THSD7A: variants seen among roughly 807,000 people sequenced by gnomAD.
The protein encoded by THSD7A is thrombospondin type 1 domain containing 7A.
A neutral mutation model predicts 231.3 loss-of-function variants in THSD7A; 96 were observed. The ratio of observed to expected loss-of-function variants is 0.41; its 90% CI spans 0.35 to 0.49. The LOEUF (loss-of-function observed/expected upper bound fraction) is 0.49. THSD7A is among the 20% of genes least tolerant of loss of function. The pLI is 0.05. For synonymous variants in THSD7A, 940 were observed against 743.3 expected (o/e 1.26, Z -4.30); for missense variants, 2,290 against 2,070.2 (o/e 1.11, Z -2.06).
In THSD7A at chr7:11,400,603, CCTTT is replaced by C. The variant is rs554608896; in HGVS notation, c.4411+1188_4411+1191del. On this transcript the variant is annotated intron_variant, in intron 23 of 27. Coordinates refer to ENST00000423059, the MANE Select transcript of THSD7A (RefSeq NM_015204.3). ...TTATTTTATTTATTGTAACTTTTGA[CCTTT>C]CTTTACTCTTTACTTATCCTATGCT... Among the ~76,000 whole-genome samples the C allele has an allele frequency of 2.7e-3, 406 of 152,134 alleles. 2 individuals are homozygous for C. Among genetic ancestry groups the C allele is most frequent in the African/African-American group, 9.6e-3 (397 of 41,508 alleles).
intron 1 of THSD7A, among the ~76,000 whole-genome samples, chr7:11,648,913 G>A (rs1169192289): frequency 1.3e-5 from 2 of 151,890 alleles, no homozygotes; most frequent in South Asian, 2.1e-4. Flanking sequence ...TCCAAGTGCC[G>A]TGTATGATGC....
At chr7:11,391,897 T>C (rs960624920) in intron 23 of THSD7A, among the ~76,000 whole-genome samples, 16 of 152,072 alleles carry the variant, frequency 1.1e-4, no homozygotes, top group South Asian at 2.1e-4. Flanking sequence ...TGCCCCACTT[T>C]GCTTCAGCTT....
At chr7:11,538,236 AAAAC>A (rs761670882) in intron 6 of THSD7A, among the ~76,000 whole-genome samples, 41 of 152,266 alleles carry the variant, frequency 2.7e-4, no homozygotes, top group Non-Finnish European at 4.0e-4. Flanking sequence ...AAATAATGCA[AAAAC>A]AAACAAAAAA....
At chr7:11,738,845 C>T (rs1366082076) in intron 1 of THSD7A, among the ~76,000 whole-genome samples, 2 of 151,948 alleles carry the variant, frequency 1.3e-5, no homozygotes, top group African/African-American at 4.8e-5. Flanking sequence ...CAAAGTCCTG[C>T]CATTACCTTG....
At chr7:11,565,881 G>A (rs71) in intron 4 of THSD7A, among the ~76,000 whole-genome samples, 34,097 of 152,088 alleles carry the variant, frequency 0.22, 4,435 homozygotes, top group Admixed American at 0.41. Flanking sequence ...ACCTGTTCCT[G>A]CAGTTGCCAA....
intron 1 of THSD7A, among the ~76,000 whole-genome samples, chr7:11,738,846 C>T (rs547175916): frequency 5.6e-4 from 85 of 152,084 alleles, no homozygotes; most frequent in Admixed American, 3.1e-3. Context: ...AAAGTCCTGC[C>T]ATTACCTTGA....
intron 6 of THSD7A, among the ~76,000 whole-genome samples, chr7:11,509,801 G>A (rs1260047563): frequency 2.4e-4 from 10 of 42,116 alleles, no homozygotes; most frequent in African/African-American, 5.3e-4. Flanking sequence ...CAGCCTGGGC[G>A]ACAGAGCCAG....
chr7:11,561,175 T>G lies in THSD7A; in HGVS notation c.1454-18058A>C, dbSNP rs79015891. On this transcript the variant is annotated intron_variant, in intron 4 of 27. Transcript: ENST00000423059. ...CTCCATGTAATCTTGGAAGGGTACATGACAGGGTTTCAATAATATATGTCT... is the reference window on the plus strand; with the variant it reads ...CTCCATGTAATCTTGGAAGGGTACAGGACAGGGTTTCAATAATATATGTCT... Among the ~76,000 whole-genome samples, 276 of 152,282 alleles carry G rather than the reference T, an allele frequency of 1.8e-3. 6 individuals carry two copies. In the East Asian group the frequency reaches 0.045, roughly 25 times the overall value.
At position 11,446,648 on chromosome 7, in the gene THSD7A, T is replaced by C. The variant is rs1254612064; in HGVS notation, c.2801-324A>G. Among the ~76,000 whole-genome samples, 2 of 152,114 alleles carry C rather than the reference T, an allele frequency of 1.3e-5. No homozygotes were observed. Among genetic ancestry groups the C allele is most frequent in the Admixed American group, 6.6e-5 (1 of 15,260 alleles). ...TATAGTTTCGACAGTCTTCATTACATAGGTGGTTCATTTTTTAACTTAAAT... is the reference window on the plus strand; with the variant it reads ...TATAGTTTCGACAGTCTTCATTACACAGGTGGTTCATTTTTTAACTTAAAT... On this transcript the variant is annotated intron_variant, in intron 12 of 27. Transcript: ENST00000423059. This position sits in a 1 kb window ranked among gnomAD's most constrained non-coding sequence, Gnocchi z 4.0.
Position 11,831,846 on chromosome 7 carries a change from AGCGGCAGCGG to A in THSD7A, c.91_100del (p.Pro31CysfsTer102), listed in dbSNP as rs771118672. The A allele has an allele frequency of 1.0e-5, 13 of 1,244,536 alleles. No individual in the cohort carries two copies. In the African/African-American group the frequency reaches 2.0e-4, roughly 19 times the overall value. 77.1% of individuals were successfully genotyped at this position (1,244,536 alleles called of 1,614,324 possible). On this transcript the variant is annotated frameshift_variant, in exon 1 of 28. Coordinates refer to ENST00000423059, the MANE Select transcript of THSD7A (RefSeq NM_015204.3). LOFTEE classifies it high-confidence loss of function. This position sits in a 1 kb window ranked among gnomAD's most constrained non-coding sequence, Gnocchi z 5.0. ...CGGGCGTAGCAGCAGCAGCAGGAGC[AGCGGCAGCGG>A]CAGCGGCAGCGGCAGCAGCTGCAGG...
chr7:11,579,149 T>C (rs762207873), intron 4 of THSD7A, among the ~76,000 whole-genome samples: 9 of 152,218 alleles, frequency 5.9e-5, no homozygotes, highest in Non-Finnish European at 1.2e-4. Context: ...TGTTACAGTT[T>C]TCTTTTCCCA....
chr7:11,719,299 T>A (rs1267662740), intron 1 of THSD7A, among the ~76,000 whole-genome samples: 1 of 151,600 alleles, frequency 6.6e-6, no homozygotes, highest in Non-Finnish European at 1.5e-5. Flanking sequence ...CTCAGGTGAC[T>A]TCTTTCTCCT....
intron 22 of THSD7A, among the ~76,000 whole-genome samples, chr7:11,404,162 A>G (rs960085288): frequency 2.0e-5 from 3 of 152,166 alleles, no homozygotes; most frequent in Admixed American, 6.5e-5. Flanking sequence ...TATTGTCACT[A>G]TTAGATTAGC....
At chr7:11,772,814 T>C (rs943733340) in intron 1 of THSD7A, among the ~76,000 whole-genome samples, 1 of 152,142 alleles carries the variant, frequency 6.6e-6, no homozygotes, top group Admixed American at 6.5e-5. Flanking sequence ...TCCGGTGACA[T>C]GCAACTTACC....
intron 2 of THSD7A, among the ~76,000 whole-genome samples, chr7:11,619,402 C>CTT (rs10706554): frequency 3.1e-5 from 4 of 127,764 alleles, no homozygotes; most frequent in African/African-American, 8.6e-5. Flanking sequence ...TCTTACTGTA[C>CTT]TTTTTTTTTT....
intron 4 of THSD7A, among the ~76,000 whole-genome samples, chr7:11,557,895 G>A (rs937078706): frequency 1.3e-5 from 2 of 152,110 alleles, no homozygotes; most frequent in African/African-American, 2.4e-5. Flanking sequence ...GTATCACAAG[G>A]GTGAAAACTG....
chr7:11,418,277 C>T (rs556724314), intron 16 of THSD7A, among the ~76,000 whole-genome samples: 1 of 152,106 alleles, frequency 6.6e-6, no homozygotes, highest in Non-Finnish European at 1.5e-5. Context: ...TTGGATTTTC[C>T]TACTACTTGA....
intron 1 of THSD7A, among the ~76,000 whole-genome samples, chr7:11,721,754 C>G (rs1781361683): frequency 6.6e-6 from 1 of 151,842 alleles, no homozygotes; most frequent in South Asian, 2.1e-4. Context: ...AACTGGAAAA[C>G]TGATTTTTAC....
intron 23 of THSD7A, chr7:11,384,356 G>C (rs1008561714): frequency 2.0e-5 from 3 of 151,580 alleles, no homozygotes; most frequent in African/African-American, 7.2e-5. Context: ...CTACTGTGTA[G>C]AAGTTTTAAA....
Sources: allele counts gnomAD v4.1 joint callset (sites outside exome capture counted in the v4.1 genomes callset), GRCh38; gene constraint gnomAD v4.1.1; non-coding constraint Gnocchi (gnomAD v3.1); transcripts MANE v1.5; gene names NCBI Gene and HGNC (gene_info 2026-07-23, HGNC 2026-07-21).